GRB14: variants seen among roughly 807,000 people sequenced by gnomAD.
The protein encoded by GRB14 is growth factor receptor bound protein 14, also known as growth factor receptor-bound protein 14.
Under a neutral mutation model 69.1 loss-of-function variants are expected in GRB14, and 38 were observed. That is an observed-to-expected ratio of 0.55 (90% CI 0.42 to 0.72). The LOEUF (loss-of-function observed/expected upper bound fraction) is 0.72. GRB14 is among the 30% of genes least tolerant of loss of function. The pLI, the probability that GRB14 is intolerant of heterozygous loss-of-function variation, is 0.00. For missense variants in GRB14, 666 were observed against 666.1 expected, an observed-to-expected ratio of 1.00 and a Z score of 0.00; for synonymous variants, 247 against 241.3, an observed-to-expected ratio of 1.02 and a Z score of -0.22.
At chr2:164,594,508 CA>C (rs1034089272) in intron 2 of GRB14, among the ~76,000 whole-genome samples, 3 of 152,126 alleles carry the variant, frequency 2.0e-5, no homozygotes, top group Non-Finnish European at 4.4e-5. Flanking sequence ...CCTCTTCCTC[CA>C]GGATGCTTTC....
At chr2:164,535,963 A>C (rs1052051139) in intron 3 of GRB14, among the ~76,000 whole-genome samples, 3 of 152,226 alleles carry the variant, frequency 2.0e-5, no homozygotes, top group Admixed American at 2.0e-4. Flanking sequence ...AAATGCCTGC[A>C]TATATATGAT....
At chr2:164,578,323 G>T (rs1689303253) in intron 2 of GRB14, among the ~76,000 whole-genome samples, 1 of 151,916 alleles carries the variant, frequency 6.6e-6, no homozygotes, top group East Asian at 1.9e-4. Context: ...AAACAATTTT[G>T]ACTCATAAAT....
At chr2:164,540,998 T>G (rs1436463758) in intron 3 of GRB14, among the ~76,000 whole-genome samples, 2 of 152,080 alleles carry the variant, frequency 1.3e-5, no homozygotes, top group African/African-American at 4.8e-5. Flanking sequence ...AAAAAGAAGG[T>G]AGTCTATAAG....
At chr2:164,596,961 A>G (rs1169472842) in intron 2 of GRB14, among the ~76,000 whole-genome samples, 1 of 152,194 alleles carries the variant, frequency 6.6e-6, no homozygotes, top group African/African-American at 2.4e-5. Flanking sequence ...ATAATCTACA[A>G]AACCTTCATT....
At chr2:164,524,031 T>C (rs1013908995) in intron 5 of GRB14, among the ~76,000 whole-genome samples, 3 of 152,070 alleles carry the variant, frequency 2.0e-5, no homozygotes, top group African/African-American at 7.2e-5. Flanking sequence ...CAGAAGCAGC[T>C]TTTAGAAAAA....
intron 2 of GRB14, among the ~76,000 whole-genome samples, chr2:164,593,635 A>G (rs1016344018): frequency 6.6e-6 from 1 of 152,220 alleles, no homozygotes; most frequent in African/African-American, 2.4e-5. Flanking sequence ...AATCCAATAC[A>G]GGAGAGAGAA....
chr2:164,533,678 G>C (rs1306623332), intron 3 of GRB14, among the ~76,000 whole-genome samples: 1 of 151,998 alleles, frequency 6.6e-6, no homozygotes, highest in Non-Finnish European at 1.5e-5. Flanking sequence ...CATCAAAAAA[G>C]AAAATAAAAC....
At chr2:164,556,786 A>G (rs1000763518) in intron 2 of GRB14, among the ~76,000 whole-genome samples, 2 of 152,164 alleles carry the variant, frequency 1.3e-5, no homozygotes, top group Non-Finnish European at 2.9e-5. Context: ...CCTTCACCAT[A>G]AGAACGATGT....
At chr2:164,558,944 C>A (rs145641439) in intron 2 of GRB14, among the ~76,000 whole-genome samples, 40 of 152,300 alleles carry the variant, frequency 2.6e-4, no homozygotes, top group African/African-American at 9.6e-4. Flanking sequence ...CTTTTAGGAA[C>A]TACCTTATTT....
At chr2:164,523,927 T>C (rs887423163) in intron 5 of GRB14, among the ~76,000 whole-genome samples, 9 of 152,028 alleles carry the variant, frequency 5.9e-5, no homozygotes, top group Non-Finnish European at 1.3e-4. Flanking sequence ...TGGTGAAGCA[T>C]TCAGAGGGCT....
chr2:164,523,188 G>A lies in GRB14; in HGVS notation c.679-1071C>T, dbSNP rs186281862. On this transcript the variant is annotated intron_variant, in intron 5 of 13. Coordinates refer to ENST00000263915, the MANE Select transcript of GRB14 (RefSeq NM_004490.3). ...CACTGAGTCAACGTGCCTCAGAGAT[G>A]ACCCACCCAGCTAAACTCTTCCCAG... is the stretch of plus-strand genomic sequence containing the variant. 4.0e-3 allele frequency among the ~76,000 whole-genome samples: 610 copies of A among 152,176 alleles called. 3 individuals carry two copies. The highest frequency in any genetic ancestry group is 0.019 in the Admixed American group (294 of 15,280).
chr2:164,497,379 A>G lies in GRB14; in HGVS notation c.1216T>C (p.Trp406Arg), dbSNP rs1332444908. ...LSVAVEEGLAWRKKGCLRLGT... is the reference protein window; with the variant it reads ...LSVAVEEGLARRKKGCLRLGT... ...GCATGTGAAGCTACTTGTACCCTCCAAGCGAGTCCTTCTTCAACCGCAACT... is the reference window on the plus strand; with the variant it reads ...GCATGTGAAGCTACTTGTACCCTCCGAGCGAGTCCTTCTTCAACCGCAACT... Residue 406 changes from tryptophan to arginine, a missense_variant, in exon 10 of 14, where the codon TGG becomes CGG. By Grantham distance (101) the Trp-to-Arg change is moderately radical. Coordinates refer to ENST00000263915, the MANE Select transcript of GRB14 (RefSeq NM_004490.3). 6.2e-7 allele frequency: 1 copy of G among 1,612,198 alleles called. No individual in the cohort carries two copies. The highest frequency in any genetic ancestry group is 8.5e-7 in the Non-Finnish European group (1 of 1,178,518).
chr2:164,503,183 A>G (rs540558652), intron 8 of GRB14, among the ~76,000 whole-genome samples: 15,457 of 150,814 alleles, frequency 0.1, 995 homozygotes, highest in Middle Eastern at 0.16. Flanking sequence ...AAAAAAAAAA[A>G]AAAAGAAAAG....
At position 164,557,427 on chromosome 2, in the gene GRB14, T is replaced by G. The variant is rs1574306520; in HGVS notation, c.325-9611A>C. On this transcript the variant is annotated intron_variant, in intron 2 of 13. Transcript: ENST00000263915. ...GCAACGTAGAAATAATTCTTAAAAATTAAATGTTATTTAATAATAAAAATG... is the reference window on the plus strand; with the variant it reads ...GCAACGTAGAAATAATTCTTAAAAAGTAAATGTTATTTAATAATAAAAATG... 5.3e-5 allele frequency among the ~76,000 whole-genome samples: 8 copies of G among 152,298 alleles called. No homozygotes were observed. In the South Asian group the frequency reaches 1.7e-3, roughly 32 times the overall value.
intron 3 of GRB14, among the ~76,000 whole-genome samples, chr2:164,534,065 A>G (rs1003063139): frequency 3.3e-5 from 5 of 152,222 alleles, no homozygotes; most frequent in Admixed American, 2.0e-4. Flanking sequence ...TGAGAAAGCC[A>G]AAGACATACA....
chr2:164,619,318 A>C (rs1173315024), intron 2 of GRB14, among the ~76,000 whole-genome samples: 3 of 152,170 alleles, frequency 2.0e-5, no homozygotes, highest in Non-Finnish European at 4.4e-5. Context: ...GAATCAGTCA[A>C]TCCCCTTCTC....
intron 2 of GRB14, among the ~76,000 whole-genome samples, chr2:164,571,604 G>A (rs1307450311): frequency 6.6e-6 from 1 of 152,002 alleles, no homozygotes; most frequent in Non-Finnish European, 1.5e-5. Flanking sequence ...CTATTATTGT[G>A]ATTATCAATA....
intron 3 of GRB14, among the ~76,000 whole-genome samples, chr2:164,534,534 AG>A (rs566750672): frequency 6.3e-4 from 96 of 152,332 alleles, no homozygotes; most frequent in African/African-American, 2.2e-3. Context: ...ACGCTGCAAA[AG>A]GAGGTGAAAT....
intron 2 of GRB14, chr2:164,573,772 T>C: frequency 3.7e-6 from 6 of 1,612,170 alleles, no homozygotes; most frequent in Non-Finnish European, 4.2e-6. Flanking sequence ...AGACTTTCTG[T>C]CGCATCCACC....
Sources: gnomAD v4.1 joint callset for allele counts (sites outside exome capture counted in the v4.1 genomes callset) on GRCh38, gnomAD v4.1.1 for gene constraint, MANE v1.5 for transcripts, NCBI Gene and HGNC (gene_info 2026-07-23, HGNC 2026-07-21) for gene names.